MTHFD1L: variants seen among roughly 807,000 people sequenced by gnomAD.
MTHFD1L encodes the protein monofunctional C1-tetrahydrofolate synthase, mitochondrial.
MTHFD1L carries 81 observed loss-of-function variants against 119.5 expected under a neutral mutation model. The ratio of observed to expected loss-of-function variants is 0.68; its 90% CI spans 0.57 to 0.82. The LOEUF is 0.82. Among genes scored for constraint, MTHFD1L ranks in the 40% least tolerant of loss-of-function variants. The probability of loss-of-function intolerance (pLI) is 0.00; values close to 1 mark genes in which losing one functional copy is unlikely to be tolerated. For synonymous variants in MTHFD1L, 430 were observed against 475.2 expected (o/e 0.90, Z 1.24); for missense variants, 1,125 against 1,253.4 (o/e 0.90, Z 1.55).
intron 7 of MTHFD1L, among the ~76,000 whole-genome samples, chr6:150,888,705 C>A (rs986738250): frequency 1.3e-5 from 2 of 152,134 alleles, no homozygotes; most frequent in Admixed American, 1.3e-4. Context: ...AGAGTCAAGA[C>A]AATTTTGTGG....
rs1047665 is a variant in MTHFD1L at position 151,101,819 on chromosome 6, A to G, written c.*325A>G. ...GGATTAGGAGTGTGAACTAAAAGGT[A>G]ACATTTTCCACTCTCAAGTTTTCTA... On this transcript the variant is annotated 3_prime_UTR_variant, in exon 28 of 28. Transcript: ENST00000367321. The G allele has an allele frequency of 0.058, 8,901 of 152,336 alleles. 376 individuals carry two copies. The highest frequency in any genetic ancestry group is 0.17 in the South Asian group (800 of 4,812). 9.4% of individuals were successfully genotyped at this position (152,336 alleles called of 1,614,324 possible).
At chr6:150,960,088 A>G (rs1361630272) in intron 17 of MTHFD1L, among the ~76,000 whole-genome samples, 187 bp from the exon 18 acceptor site, 2 of 152,148 alleles carry the variant, frequency 1.3e-5, no homozygotes, top group Non-Finnish European at 2.9e-5. Context: ...AGGCCACCCT[A>G]GGGAGCACCA....
chr6:150,923,638 G>C (rs1383938024), intron 10 of MTHFD1L, among the ~76,000 whole-genome samples: 1 of 147,896 alleles, frequency 6.8e-6, no homozygotes, highest in Non-Finnish European at 1.5e-5. Flanking sequence ...CAAAGTGCTG[G>C]GATTACAAGC....
chr6:150,921,435 A>G (rs148958961), intron 9 of MTHFD1L, among the ~76,000 whole-genome samples: 61 of 152,132 alleles, frequency 4.0e-4, no homozygotes, highest in Middle Eastern at 3.4e-3. Context: ...TATTTTTAGT[A>G]GAGACAGGGT....
chr6:150,926,176 G>A lies in MTHFD1L; in HGVS notation c.1137G>A (p.Lys379=), dbSNP rs376629055. 34 of 1,613,934 alleles carry A rather than the reference G, an allele frequency of 2.1e-5. No individual in the cohort carries two copies. The highest frequency in any genetic ancestry group is 2.9e-5 in the Non-Finnish European group (34 of 1,179,978). The change falls in exon 11 of 28, where the codon AAG becomes AAA. Residue 379 remains lysine, a synonymous_variant. Coordinates refer to ENST00000367321, the MANE Select transcript of MTHFD1L (RefSeq NM_015440.5). This position sits in a 1 kb window ranked among gnomAD's most constrained non-coding sequence, Gnocchi z 4.3. ...CAAAAGCTGTGGATGTCCTTGCCAA[G>A]GAGATTGGATTGCTTGCAGATGAAA... ...QTPKAVDVLA[K]EIGLLADEIE... is the part of the protein sequence containing the mutation.
At chr6:150,992,275 G>GA (rs1779158585) in intron 20 of MTHFD1L, among the ~76,000 whole-genome samples, 1 of 152,142 alleles carries the variant, frequency 6.6e-6, no homozygotes, top group African/African-American at 2.4e-5. Flanking sequence ...AATGCACAAT[G>GA]AAAAAACAAA....
intron 24 of MTHFD1L, among the ~76,000 whole-genome samples, chr6:151,016,289 G>A (rs28497939): frequency 2.6e-5 from 4 of 151,978 alleles, no homozygotes; most frequent in South Asian, 2.1e-4. Context: ...GAGCAATTTC[G>A]TGAGGATTGG....
In MTHFD1L at chr6:150,866,628, C is replaced by A. The variant is rs374235677; in HGVS notation, c.227+579C>A. ...TGGCTGACGTCCGCTTTTCCCGGAA[C>A]GGCAAAGGTGGAGCCGGGCCCCCGG... On this transcript the variant is annotated intron_variant, in intron 1 of 27. Transcript: ENST00000367321. The A allele has an allele frequency of 2.3e-4, 278 of 1,210,064 alleles. 1 individual carries two copies. In the East Asian group the frequency reaches 8.2e-3, roughly 36 times the overall value. The allele number at this position is 1,210,064 out of a possible 1,614,324, so 75.0% of individuals were successfully genotyped here.
chr6:151,088,623 ATT>A (rs71014539), intron 26 of MTHFD1L, among the ~76,000 whole-genome samples: 2,719 of 128,586 alleles, frequency 0.021, 76 homozygotes, highest in African/African-American at 0.073. Context: ...CACCCAGCTA[ATT>A]TTTTTTTTTT....
intron 20 of MTHFD1L, 130 bp from the exon 21 acceptor site, chr6:151,009,689 C>G: frequency 9.5e-7 from 1 of 1,048,912 alleles, no homozygotes; most frequent in Non-Finnish European, 1.4e-6. Context: ...ATGGGGAAAT[C>G]AGTTCACCTT....
Position 150,872,514 on chromosome 6 carries a change from A to G in MTHFD1L, c.228-3576A>G, listed in dbSNP as rs532563303. On this transcript the variant is annotated intron_variant, in intron 1 of 27. Transcript: ENST00000367321. ...GCCAGTCCAGTGAAGCAGTGAGAAC[A>G]CACACCATCATGAACCATCATGGCC... 7.9e-5 allele frequency among the ~76,000 whole-genome samples: 12 copies of G among 152,288 alleles called. 1 individual carries two copies. The South Asian group carries it at 2.5e-3, about 32-fold the overall frequency.
At chr6:151,097,640 A>G (rs910730870) in intron 27 of MTHFD1L, among the ~76,000 whole-genome samples, 3 of 152,326 alleles carry the variant, frequency 2.0e-5, no homozygotes, top group Middle Eastern at 3.4e-3. Context: ...GGTTATGGGT[A>G]CAAACATACA....
chr6:151,011,789 G>A (rs938653029), intron 21 of MTHFD1L, among the ~76,000 whole-genome samples: 3 of 151,940 alleles, frequency 2.0e-5, no homozygotes, highest in African/African-American at 4.8e-5. Flanking sequence ...CCAGCCAGGC[G>A]TGGTGGCTCA....
At chr6:150,883,000 T>TA (rs1781613363) in intron 5 of MTHFD1L, 114 bp downstream of exon 5, 5 of 1,072,028 alleles carry the variant, frequency 4.7e-6, no homozygotes, top group South Asian at 1.7e-5. Context: ...AGTAATTGGA[T>TA]AAAAAAATCA....
At position 151,019,420 on chromosome 6, in the gene MTHFD1L, AC is replaced by A. The variant is rs199933018; in HGVS notation, c.2586+3730del. 4.2e-3 allele frequency among the ~76,000 whole-genome samples: 642 copies of A among 151,768 alleles called. 24 individuals carry two copies. The East Asian group carries it at 0.076, about 18-fold the overall frequency. On this transcript the variant is annotated intron_variant, in intron 24 of 27. Transcript: ENST00000367321. ...CAGACATGCACTAACCCTAACATGA[AC>A]CCTTTTCCTTTCCACTGATATTTCA...
intron 26 of MTHFD1L, among the ~76,000 whole-genome samples, chr6:151,061,576 T>C (rs1035680539): frequency 3.3e-5 from 5 of 152,196 alleles, no homozygotes; most frequent in East Asian, 3.8e-4. Flanking sequence ...TACACAGTAG[T>C]GGATTTGGTT....
intron 15 of MTHFD1L, among the ~76,000 whole-genome samples, chr6:150,945,759 T>G (rs1316311283): frequency 1.3e-5 from 2 of 151,938 alleles, no homozygotes; most frequent in African/African-American, 4.8e-5. Context: ...ACAAATTAAT[T>G]AACCTTTTTT....
At chr6:151,048,835 C>T (rs1013141708) in intron 26 of MTHFD1L, among the ~76,000 whole-genome samples, 9 of 152,220 alleles carry the variant, frequency 5.9e-5, no homozygotes, top group Admixed American at 3.3e-4. Context: ...TCACACTCAA[C>T]AATAGCACGC....
At chr6:150,943,856 T>C (rs975551632) in intron 13 of MTHFD1L, among the ~76,000 whole-genome samples, 1 of 152,240 alleles carries the variant, frequency 6.6e-6, no homozygotes, top group Admixed American at 6.5e-5. Context: ...TCCAAAGTTC[T>C]GTAATATTTC....
Sources: gnomAD v4.1 joint callset for allele counts (sites outside exome capture counted in the v4.1 genomes callset) on GRCh38, gnomAD v4.1.1 for gene constraint, Gnocchi (gnomAD v3.1) non-coding constraint, MANE v1.5 for transcripts, NCBI Gene and HGNC (gene_info 2026-07-23, HGNC 2026-07-21) for gene names.